TTC39C: variants seen among roughly 807,000 people sequenced by gnomAD.
The protein encoded by TTC39C is tetratricopeptide repeat protein 39C.
TTC39C carries 33 observed loss-of-function variants against 76.3 expected under a neutral mutation model. That is an observed-to-expected ratio of 0.43 (90% confidence interval 0.33 to 0.58). TTC39C has a LOEUF of 0.58. Ranked by LOEUF, TTC39C falls within the 20% of genes least tolerant of loss-of-function variation. The probability of loss-of-function intolerance (pLI) is 0.04; values close to 1 mark genes in which losing one functional copy is unlikely to be tolerated. For synonymous variants in TTC39C, 254 were observed against 260.6 expected (o/e 0.97, Z 0.24); for missense variants, 595 against 701.4 (o/e 0.85, Z 1.71).
chr18:24,006,952 G>A (rs918587639), intron 1 of TTC39C, among the ~76,000 whole-genome samples: 2 of 152,160 alleles, frequency 1.3e-5, no homozygotes, highest in African/African-American at 4.8e-5. Flanking sequence ...GACACAGTCG[G>A]AGCACCCAGT....
intron 1 of TTC39C, among the ~76,000 whole-genome samples, chr18:24,003,284 C>T (rs1040766922): frequency 2.0e-5 from 3 of 152,192 alleles, no homozygotes; most frequent in African/African-American, 7.2e-5. Context: ...TTCCATGAAC[C>T]CCCAGCTGGA....
intron 1 of TTC39C, among the ~76,000 whole-genome samples, chr18:24,061,146 C>A (rs2145726217): frequency 6.6e-6 from 1 of 151,966 alleles, no homozygotes; most frequent in East Asian, 1.9e-4. Flanking sequence ...CCCTCCCTCA[C>A]CTTATAGGTA....
At chr18:23,995,602 T>A (rs760794199) in intron 1 of TTC39C, among the ~76,000 whole-genome samples, 1 of 152,094 alleles carries the variant, frequency 6.6e-6, no homozygotes, top group Non-Finnish European at 1.5e-5. Context: ...CTGGTATAGA[T>A]GTACTACACC....
At chr18:24,085,045 G>A (rs1244477193) in intron 6 of TTC39C, among the ~76,000 whole-genome samples, 3 of 152,210 alleles carry the variant, frequency 2.0e-5, no homozygotes, top group Admixed American at 2.0e-4. Flanking sequence ...CTTTGAACAC[G>A]ATGCTACAGG....
intron 1 of TTC39C, 38 bp downstream of exon 1, chr18:24,015,076 C>A: frequency 7.2e-7 from 1 of 1,382,490 alleles, no homozygotes; most frequent in Non-Finnish European, 9.5e-7. Context: ...CCCTGCAGCG[C>A]GCACCTCGTG....
In TTC39C at chr18:24,125,469, G is replaced by T. The variant is rs766227571; in HGVS notation, c.1339G>T (p.Val447Leu). 2.5e-6 allele frequency: 4 copies of T among 1,614,194 alleles called. No individual in the cohort carries two copies. Among genetic ancestry groups the T allele is most frequent in the Non-Finnish European group, 3.4e-6 (4 of 1,180,036 alleles). The change falls in exon 10 of 14, where the codon GTG becomes TTG. Residue 447 changes from valine to leucine, a missense_variant. Transcript: ENST00000317571. The part of the protein sequence containing the change: ...RKQTPTKALC[V>L]LASIEVLYLW... ...GCAAACCCCAACCAAAGCGCTCTGTGTGTTGGCGTCTATTGAAGTGTTGTA... is the reference window on the plus strand; with the variant it reads ...GCAAACCCCAACCAAAGCGCTCTGTTTGTTGGCGTCTATTGAAGTGTTGTA...
intron 4 of TTC39C, among the ~76,000 whole-genome samples, chr18:24,076,270 G>A (rs748678956): frequency 5.3e-5 from 8 of 152,146 alleles, no homozygotes; most frequent in South Asian, 2.1e-4. Context: ...ATGAGCCACC[G>A]CGCCCGGCCT....
At chr18:24,029,445 T>G (rs967333947) in intron 1 of TTC39C, among the ~76,000 whole-genome samples, 1 of 152,224 alleles carries the variant, frequency 6.6e-6, no homozygotes, top group Non-Finnish European at 1.5e-5. Context: ...AGTTTGTAGA[T>G]TATGCCACAT....
chr18:24,003,701 T>TG (rs2083330913), intron 1 of TTC39C, among the ~76,000 whole-genome samples: 1 of 151,860 alleles, frequency 6.6e-6, no homozygotes, highest in South Asian at 2.1e-4. Context: ...CTTTTTTAAA[T>TG]GGCTTGAGTT....
chr18:24,029,113 T>TGTTG (rs756007345), intron 1 of TTC39C, among the ~76,000 whole-genome samples: 1 of 17,862 alleles, frequency 5.6e-5, no homozygotes, highest in Admixed American at 8.9e-4. Flanking sequence ...TTGTTGTTGT[T>TGTTG]TTTGTGTGAG....
intron 4 of TTC39C, among the ~76,000 whole-genome samples, chr18:24,073,258 G>A (rs1459300314): frequency 6.6e-6 from 1 of 152,178 alleles, no homozygotes; most frequent in Non-Finnish European, 1.5e-5. Flanking sequence ...CACTTAGCTG[G>A]TGGGCCTCAC....
intron 1 of TTC39C, among the ~76,000 whole-genome samples, chr18:24,023,975 TATATACATATATATATATATATA>T (rs2083556593): frequency 4.1e-4 from 5 of 12,310 alleles, no homozygotes; most frequent in African/African-American, 9.3e-4. Context: ...TATATATATA[TATATACATATATATATATATATA>T]TATATATATA....
At chr18:24,056,585 T>A (rs369565215) in intron 1 of TTC39C, among the ~76,000 whole-genome samples, 1 of 97,076 alleles carries the variant, frequency 1.0e-5, no homozygotes, top group Non-Finnish European at 2.3e-5. Context: ...CAGGAAATCA[T>A]CATCAGTCCA....
At chr18:24,015,147 C>A in intron 1 of TTC39C, 109 bp downstream of exon 1, 1 of 1,047,442 alleles carries the variant, frequency 9.5e-7, no homozygotes, top group Non-Finnish European at 1.3e-6. Flanking sequence ...TGTCGGTCAC[C>A]GATTCCGGTC....
Position 24,114,598 on chromosome 18 carries a change from A to G in TTC39C, c.1029A>G (p.Glu343=). Residue 343 remains glutamate (E), a synonymous_variant, in exon 7 of 14, where the codon GAA becomes GAG. Transcript: ENST00000317571. ...TGACATCTTTCCACACTGCTTTGGAACTTGCAGTAGACCAGAGAGAAATTC... is the reference window on the plus strand; with the variant it reads ...TGACATCTTTCCACACTGCTTTGGAGCTTGCAGTAGACCAGAGAGAAATTC... The part of the protein sequence containing the change: ...SALTSFHTAL[E]LAVDQREIQH... The G allele has an allele frequency of 6.2e-7, 1 of 1,614,052 alleles. No individual in the cohort carries two copies. The highest frequency in any genetic ancestry group is 2.2e-5 in the East Asian group (1 of 44,860).
intron 6 of TTC39C, among the ~76,000 whole-genome samples, chr18:24,093,767 A>G (rs189047167): frequency 6.6e-6 from 1 of 152,324 alleles, no homozygotes; most frequent in African/African-American, 2.4e-5. Flanking sequence ...TAAAAATACA[A>G]TGTGTATACC....
intron 4 of TTC39C, among the ~76,000 whole-genome samples, chr18:24,073,196 C>A (rs1426186662): frequency 6.6e-6 from 1 of 152,228 alleles, no homozygotes; most frequent in Non-Finnish European, 1.5e-5. Flanking sequence ...GGGCCACACT[C>A]TCCATTGCTG....
chr18:24,016,507 G>T, intron 1 of TTC39C: 2 of 392,312 alleles, frequency 5.1e-6, no homozygotes, highest in Non-Finnish European at 9.0e-6. Context: ...GATGATTTAG[G>T]TACTTGCATG....
chr18:24,091,102 C>T (rs1464990078), intron 6 of TTC39C, among the ~76,000 whole-genome samples: 2 of 152,218 alleles, frequency 1.3e-5, no homozygotes, highest in Non-Finnish European at 2.9e-5. Flanking sequence ...CCGCCACGCC[C>T]GGCCTTATGA....
Sources: allele counts gnomAD v4.1 joint callset (sites outside exome capture counted in the v4.1 genomes callset), GRCh38; gene constraint gnomAD v4.1.1; transcripts MANE v1.5; gene names NCBI Gene and HGNC (gene_info 2026-07-23, HGNC 2026-07-21).